TFEC: variants seen among roughly 807,000 people sequenced by gnomAD.
TFEC encodes class E basic helix-loop-helix protein 34.
TFEC carries 31 observed loss-of-function variants against 41.6 expected under a neutral mutation model. That is an observed-to-expected ratio of 0.74 (90% CI 0.56 to 1.01). The LOEUF (loss-of-function observed/expected upper bound fraction) is 1.01. Among genes scored for constraint, TFEC ranks in the 50% least tolerant of loss-of-function variants. The pLI, the probability that TFEC is intolerant of heterozygous loss-of-function variation, is 0.00. For missense variants in TFEC, 402 were observed against 404.1 expected (o/e 0.99, Z 0.04); for synonymous variants, 143 against 140.6 (o/e 1.02, Z -0.12).
chr7:115,972,809 C>T (rs1047413972), intron 3 of TFEC, among the ~76,000 whole-genome samples: 2 of 151,884 alleles, frequency 1.3e-5, no homozygotes, highest in African/African-American at 2.4e-5. Flanking sequence ...AAAGACTCTA[C>T]AAAACAAGTA....
At chr7:116,034,792 A>C (rs1795872182), upstream of TFEC, among the ~76,000 whole-genome samples, 1 of 151,990 alleles carries the variant, frequency 6.6e-6, no homozygotes, top group Admixed American at 6.6e-5. Flanking sequence ...AGCATTCCTC[A>C]TACTCAGAGG....
chr7:116,074,789 C>CAT (rs1207737889), intron 3 of TFEC, among the ~76,000 whole-genome samples: 2 of 152,054 alleles, frequency 1.3e-5, no homozygotes, highest in Non-Finnish European at 2.9e-5. Flanking sequence ...CAAAATGAAA[C>CAT]ATATATATTC....
At chr7:115,988,190 A>C (rs1432383920) in intron 1 of TFEC, among the ~76,000 whole-genome samples, 1 of 152,138 alleles carries the variant, frequency 6.6e-6, no homozygotes, top group Non-Finnish European at 1.5e-5. Flanking sequence ...AGACATACTA[A>C]AAGGCTAAAA....
chr7:116,083,316 T>C (rs1471755905), intron 3 of TFEC, among the ~76,000 whole-genome samples: 2 of 151,930 alleles, frequency 1.3e-5, no homozygotes, highest in African/African-American at 4.8e-5. Context: ...TACCATGCCT[T>C]ACATAAGAAC....
At chr7:115,968,388 G>A in intron 3 of TFEC, 1 of 1,229,534 alleles carries the variant, frequency 8.1e-7, no homozygotes, top group Non-Finnish European at 1.1e-6. Context: ...GCTCACTGAT[G>A]TTATGCAGTC....
chr7:115,941,162 C>G (rs1793476695), intron 7 of TFEC: 1 of 458,976 alleles, frequency 2.2e-6, no homozygotes, highest in African/African-American at 2.0e-5. Context: ...CATTGTTCTA[C>G]AAAGGTTATG....
chr7:116,034,492 C>G (rs547395602), upstream of TFEC, among the ~76,000 whole-genome samples: 10 of 151,896 alleles, frequency 6.6e-5, no homozygotes, highest in Non-Finnish European at 1.0e-4. Context: ...TTCTCTATAC[C>G]CTTCAACGTG....
At chr7:115,980,782 A>AC (rs1224596386) in intron 2 of TFEC, among the ~76,000 whole-genome samples, 7 of 151,980 alleles carry the variant, frequency 4.6e-5, no homozygotes, top group Admixed American at 3.9e-4. Context: ...AAAAAACAAA[A>AC]AAAAACAAAA....
intron 1 of TFEC, among the ~76,000 whole-genome samples, chr7:116,006,269 T>G (rs1794786081): frequency 6.6e-6 from 1 of 152,092 alleles, no homozygotes. Flanking sequence ...ACCATGCACC[T>G]GGAAAAGCTT....
chr7:116,049,719 A>G (rs547993272), intron 3 of TFEC, among the ~76,000 whole-genome samples: 41 of 152,356 alleles, frequency 2.7e-4, no homozygotes, highest in African/African-American at 9.4e-4. Flanking sequence ...AATTGACCAC[A>G]TAGTTGGAAG....
rs73464408 is a variant in TFEC, at chr7:116,139,907, T to A, written c.-69+19883A>T. 3.2e-3 allele frequency among the ~76,000 whole-genome samples: 493 copies of A among 152,234 alleles called. 5 individuals carry two copies. Among genetic ancestry groups the A allele is most frequent in the African/African-American group, 0.011 (476 of 41,530 alleles). On this transcript the variant is annotated intron_variant, in intron 1 of 8. Coordinates refer to the TFEC transcript ENST00000484212. Reference sequence around the variant, plus strand: ...AACCTTGACCAGGCACTCAGGGCACTTGGACAGAAATGGGCATAACCCCCA... The same window carrying A: ...AACCTTGACCAGGCACTCAGGGCACATGGACAGAAATGGGCATAACCCCCA...
intron 3 of TFEC, among the ~76,000 whole-genome samples, chr7:116,088,990 T>C (rs956694109): frequency 1.3e-5 from 2 of 152,068 alleles, no homozygotes; most frequent in African/African-American, 4.8e-5. Context: ...ACAAGTTGCT[T>C]ACTCCCTCCT....
intron 3 of TFEC, among the ~76,000 whole-genome samples, chr7:116,040,668 C>T (rs1714130112): frequency 6.6e-6 from 1 of 152,102 alleles, no homozygotes; most frequent in Non-Finnish European, 1.5e-5. Context: ...TGACACTGAA[C>T]CTGGCAAATG....
intron 2 of TFEC, 142 bp downstream of exon 2, chr7:115,984,120 T>C (rs1793744505): frequency 3.7e-6 from 4 of 1,071,544 alleles, no homozygotes; most frequent in Non-Finnish European, 5.2e-6. Flanking sequence ...AGTTAATAAA[T>C]AGAGAATAAT....
chr7:115,951,927 T>C (rs1356629743), intron 5 of TFEC, among the ~76,000 whole-genome samples: 1 of 152,046 alleles, frequency 6.6e-6, no homozygotes, highest in African/African-American at 2.4e-5. Flanking sequence ...AACCATAACA[T>C]ATACTTATAC....
At chr7:116,153,332 T>C (rs945492074) in intron 1 of TFEC, among the ~76,000 whole-genome samples, 1 of 152,104 alleles carries the variant, frequency 6.6e-6, no homozygotes, top group Non-Finnish European at 1.5e-5. Flanking sequence ...CTCGGCTCAC[T>C]GCAATCCGCC....
chr7:116,115,251 G>A (rs750545354), intron 1 of TFEC, among the ~76,000 whole-genome samples: 30 of 151,880 alleles, frequency 2.0e-4, no homozygotes, highest in Non-Finnish European at 2.8e-4. Flanking sequence ...AACTACACTC[G>A]TTTCCTGTGG....
intron 3 of TFEC, among the ~76,000 whole-genome samples, chr7:116,045,082 T>C (rs1200044832): frequency 6.6e-6 from 1 of 152,142 alleles, no homozygotes; most frequent in Non-Finnish European, 1.5e-5. Context: ...TTGGAACTGG[T>C]TAACAGGCAG....
intron 3 of TFEC, among the ~76,000 whole-genome samples, chr7:116,086,440 A>T (rs566620815): frequency 2.9e-4 from 44 of 152,128 alleles, no homozygotes; most frequent in African/African-American, 9.6e-4. Context: ...TTACAATTTA[A>T]TGTTTGATGC....
Sources: allele counts gnomAD v4.1 joint callset (sites outside exome capture counted in the v4.1 genomes callset), GRCh38; gene constraint gnomAD v4.1.1; transcripts MANE v1.5; gene names NCBI Gene and HGNC (gene_info 2026-07-23, HGNC 2026-07-21).